ZCCHC17: variants seen among roughly 807,000 people sequenced by gnomAD.
ZCCHC17 encodes the protein zinc finger CCHC-type containing 17, also known as zinc finger CCHC domain-containing protein 17.
A neutral mutation model predicts 30.6 loss-of-function variants in ZCCHC17; 18 were observed. The ratio of observed to expected loss-of-function variants is 0.59; its 90% CI spans 0.41 to 0.87. The LOEUF (loss-of-function observed/expected upper bound fraction) is 0.87. Ranked by LOEUF, ZCCHC17 falls within the 40% of genes least tolerant of loss-of-function variation. The probability of loss-of-function intolerance (pLI) is 0.00; values close to 1 mark genes in which losing one functional copy is unlikely to be tolerated. For missense variants in ZCCHC17, 263 were observed against 284.2 expected (o/e 0.93, Z 0.54); for synonymous variants, 88 against 92.4 (o/e 0.95, Z 0.27).
chr1:31,333,860 A>G (rs774731272), intron 3 of ZCCHC17, among the ~76,000 whole-genome samples: 2 of 152,190 alleles, frequency 1.3e-5, no homozygotes, highest in Admixed American at 6.5e-5. Flanking sequence ...CCTCAAGTAT[A>G]TTAGGTTCAA....
At chr1:31,328,245 G>A (rs1430148807) in intron 3 of ZCCHC17, among the ~76,000 whole-genome samples, 1 of 152,144 alleles carries the variant, frequency 6.6e-6, no homozygotes, top group Non-Finnish European at 1.5e-5. Context: ...CAGGCATGGT[G>A]GCTCACACAT....
intron 3 of ZCCHC17, among the ~76,000 whole-genome samples, chr1:31,321,711 C>T (rs1335940570): frequency 2.0e-5 from 3 of 152,170 alleles, no homozygotes; most frequent in African/African-American, 7.2e-5. Context: ...CAGTAATCTG[C>T]CCTCCTCAGC....
chr1:31,339,111 A>G (rs1638934144), intron 5 of ZCCHC17, 63 bp downstream of exon 5: 7 of 1,215,018 alleles, frequency 5.8e-6, no homozygotes, highest in Non-Finnish European at 8.3e-6. Context: ...ATGGTTTAGT[A>G]AATCAGACTG....
At chr1:31,353,834 A>C (rs1639552597) in intron 7 of ZCCHC17, among the ~76,000 whole-genome samples, 1 of 152,160 alleles carries the variant, frequency 6.6e-6, no homozygotes, top group African/African-American at 2.4e-5. Context: ...ATATGTCTTT[A>C]TGTCAGTACC....
chr1:31,304,109 A>G (rs1007345918), intron 1 of ZCCHC17, among the ~76,000 whole-genome samples: 6 of 152,188 alleles, frequency 3.9e-5, no homozygotes, highest in Non-Finnish European at 1.5e-5. Flanking sequence ...CCTATGTAAC[A>G]CAGTTGTTTA....
At chr1:31,363,146 C>T (rs1412421755) in intron 7 of ZCCHC17, among the ~76,000 whole-genome samples, 1 of 148,358 alleles carries the variant, frequency 6.7e-6, no homozygotes, top group Non-Finnish European at 1.5e-5. Context: ...CTTGTTGGCA[C>T]TTAAAGATTT....
At chr1:31,324,831 G>T (rs565945065) in intron 3 of ZCCHC17, among the ~76,000 whole-genome samples, 70 of 152,070 alleles carry the variant, frequency 4.6e-4, no homozygotes, top group African/African-American at 1.5e-3. Flanking sequence ...GTGACAAGAG[G>T]CAGACAGGCT....
intron 5 of ZCCHC17, among the ~76,000 whole-genome samples, chr1:31,342,558 G>T (rs111977222): frequency 1.3e-5 from 2 of 152,248 alleles, no homozygotes; most frequent in African/African-American, 4.8e-5. Context: ...CTCATAGGGG[G>T]TGCGCAACCT....
intron 1 of ZCCHC17, among the ~76,000 whole-genome samples, chr1:31,308,718 G>A (rs998339543): frequency 2.4e-4 from 36 of 152,184 alleles, no homozygotes; most frequent in Non-Finnish European, 1.3e-4. Context: ...TATCTCTAAG[G>A]TAAGTATCCA....
intron 3 of ZCCHC17, among the ~76,000 whole-genome samples, chr1:31,326,469 C>T (rs1001636807): frequency 9.2e-5 from 14 of 152,270 alleles, no homozygotes; most frequent in African/African-American, 3.4e-4. Context: ...TTAATGACAT[C>T]GAACTCTTCC....
intron 3 of ZCCHC17, among the ~76,000 whole-genome samples, chr1:31,328,304 G>A (rs1239991665): frequency 6.6e-6 from 1 of 152,052 alleles, no homozygotes; most frequent in Non-Finnish European, 1.5e-5. Flanking sequence ...CTTGAGCTCA[G>A]GAGTTTGAGA....
intron 5 of ZCCHC17, among the ~76,000 whole-genome samples, chr1:31,344,220 G>A (rs1639158609): frequency 6.6e-6 from 1 of 151,958 alleles, no homozygotes; most frequent in African/African-American, 2.4e-5. Flanking sequence ...TGAACTCCTG[G>A]TCTCAAGTGA....
At chr1:31,353,571 A>C (rs370680348) in intron 7 of ZCCHC17, among the ~76,000 whole-genome samples, 1 of 152,196 alleles carries the variant, frequency 6.6e-6, no homozygotes, top group Non-Finnish European at 1.5e-5. Flanking sequence ...GCCAAATCCA[A>C]TGTCATGAAG....
intron 7 of ZCCHC17, among the ~76,000 whole-genome samples, chr1:31,358,996 A>G (rs922079922): frequency 9.2e-5 from 14 of 152,188 alleles, no homozygotes; most frequent in African/African-American, 3.1e-4. Flanking sequence ...GTAGAAAAGT[A>G]AGAGAATGTA....
intron 3 of ZCCHC17, among the ~76,000 whole-genome samples, chr1:31,322,871 A>G (rs1449742846): frequency 6.6e-6 from 1 of 151,834 alleles, no homozygotes; most frequent in Non-Finnish European, 1.5e-5. Flanking sequence ...ACAGGTGTGC[A>G]CCACCATGCC....
intron 1 of ZCCHC17, among the ~76,000 whole-genome samples, chr1:31,302,712 C>G (rs189858705): frequency 1.3e-5 from 2 of 152,110 alleles, no homozygotes; most frequent in Non-Finnish European, 2.9e-5. Context: ...TAACTCATGG[C>G]AGAAGGTGAA....
intron 3 of ZCCHC17, among the ~76,000 whole-genome samples, chr1:31,336,580 C>G (rs1638826394): frequency 6.6e-6 from 1 of 151,962 alleles, no homozygotes; most frequent in Non-Finnish European, 1.5e-5. Context: ...AGGCTGGTCT[C>G]AAACTCCTTG....
At chr1:31,302,203 G>A (rs1646329687) in intron 1 of ZCCHC17, among the ~76,000 whole-genome samples, 1 of 152,072 alleles carries the variant, frequency 6.6e-6, no homozygotes, top group Non-Finnish European at 1.5e-5. Flanking sequence ...CCTCCAGCCT[G>A]GGCAACAGAG....
At chr1:31,360,407 G>C (rs1408133468) in intron 7 of ZCCHC17, among the ~76,000 whole-genome samples, 1 of 152,234 alleles carries the variant, frequency 6.6e-6, no homozygotes, top group African/African-American at 2.4e-5. Flanking sequence ...GACCTCAGGT[G>C]ATCCACCCAC....
Sources: allele counts gnomAD v4.1 joint callset (sites outside exome capture counted in the v4.1 genomes callset), GRCh38; gene constraint gnomAD v4.1.1; transcripts MANE v1.5; gene names NCBI Gene and HGNC (gene_info 2026-07-23, HGNC 2026-07-21).